Variants in CELF2 observed in about 807,000 individuals in gnomAD.
CELF2 encodes the protein CUG triplet repeat RNA-binding protein 2.
Under a neutral mutation model 62.6 loss-of-function variants are expected in CELF2, and 8 were observed. The observed-to-expected ratio is 0.13, with a 90% CI of 0.07 to 0.23. CELF2 has a LOEUF of 0.23. CELF2 is among the 10% of genes least tolerant of loss of function. The pLI, the probability that CELF2 is intolerant of heterozygous loss-of-function variation, is 1.00. For missense variants in CELF2, 333 were observed against 671.0 expected, an observed-to-expected ratio of 0.50 and a Z score of 5.56; for synonymous variants, 258 against 250.0, an observed-to-expected ratio of 1.03 and a Z score of -0.30.
In CELF2 at chr10:11,156,714, G is replaced by A. The variant is rs1191962973; in HGVS notation, c.75-8772G>A. 6.6e-6 allele frequency among the ~76,000 whole-genome samples: 1 copy of A among 152,156 alleles called. No individual in the cohort carries two copies. Among genetic ancestry groups the A allele is most frequent in the Non-Finnish European group, 1.5e-5 (1 of 68,036 alleles). ...GTCACACTTCCACCATGCACTTGAT[G>A]GGGCTTCCGTGAATCGCTGTTTCTG... On this transcript the variant is annotated intron_variant, in intron 1 of 12. Transcript: ENST00000633077. The surrounding 1 kb of genome is among the most constrained non-coding windows in gnomAD (Gnocchi z 4.3).
intron 1 of CELF2, among the ~76,000 whole-genome samples, chr10:11,019,770 T>G (rs923365581): frequency 6.6e-6 from 1 of 152,220 alleles, no homozygotes; most frequent in African/African-American, 2.4e-5. Flanking sequence ...CCACGATATT[T>G]GTTTTAAGAG....
At chr10:10,638,347 A>G in the CELF2 span, among the ~76,000 whole-genome samples, 1 of 147,194 alleles carries the variant, frequency 6.8e-6, no homozygotes, top group African/African-American at 2.5e-5. Flanking sequence ...ACATGAACCC[A>G]CTCATTCACT....
intron 3 of CELF2, among the ~76,000 whole-genome samples, chr10:11,225,647 A>G (rs989874080): frequency 1.3e-5 from 2 of 152,212 alleles, no homozygotes; most frequent in Admixed American, 6.5e-5. Context: ...CCACCGGGAA[A>G]TGGAGAAAAG....
rs78126892 is a variant in CELF2 at position 11,293,387 on chromosome 10, C to T, written c.976+4835C>T. 4.1e-3 allele frequency among the ~76,000 whole-genome samples: 627 copies of T among 152,328 alleles called. 12 individuals carry two copies. Among genetic ancestry groups the T allele is most frequent in the East Asian group, 0.035 (180 of 5,186 alleles). ...AAAAACTGTTTTCAGTAACCTACTA[C>T]TTATATGAATCAATGCAAATGCCAC... is the stretch of plus-strand genomic sequence containing the variant. On this transcript the variant is annotated intron_variant, in intron 9 of 12. Transcript: ENST00000633077.
the CELF2 span, among the ~76,000 whole-genome samples, chr10:10,462,835 G>A: frequency 6.6e-6 from 1 of 151,904 alleles, no homozygotes; most frequent in Non-Finnish European, 1.5e-5. Context: ...TGGACTATTT[G>A]CCCAGTTGCA....
chr10:10,615,201 G>A, the CELF2 span, among the ~76,000 whole-genome samples: 1 of 152,258 alleles, frequency 6.6e-6, no homozygotes, highest in African/African-American at 2.4e-5. Context: ...AGTAAGACAT[G>A]TATGAAAGTC....
intron 4 of CELF2, among the ~76,000 whole-genome samples, chr10:11,257,135 C>T (rs2079013921): frequency 6.6e-6 from 1 of 152,044 alleles, no homozygotes; most frequent in South Asian, 2.1e-4. Context: ...ACTTTCCTAG[C>T]TCCCCAGAGA....
At chr10:10,690,107 T>C in the CELF2 span, among the ~76,000 whole-genome samples, 4 of 152,216 alleles carry the variant, frequency 2.6e-5, no homozygotes, top group East Asian at 7.7e-4. Flanking sequence ...CTTTGTATCA[T>C]TTTTCTGAAT....
the CELF2 span, among the ~76,000 whole-genome samples, chr10:10,680,248 C>A: frequency 2.6e-5 from 4 of 152,274 alleles, no homozygotes; most frequent in African/African-American, 9.6e-5. Flanking sequence ...AGACCACCCC[C>A]ACTTCTGACA....
At chr10:10,698,894 A>G in the CELF2 span, among the ~76,000 whole-genome samples, 2,401 of 152,308 alleles carry the variant, frequency 0.016, 18 homozygotes, top group Non-Finnish European at 0.025. Flanking sequence ...AATGAATTCT[A>G]TCTTTGAAAC....
At chr10:10,641,798 G>C in the CELF2 span, among the ~76,000 whole-genome samples, 1 of 152,122 alleles carries the variant, frequency 6.6e-6, no homozygotes, top group African/African-American at 2.4e-5. Context: ...GTTTGCTCTT[G>C]TGTTTCTCAT....
At chr10:10,749,650 A>C in the CELF2 span, among the ~76,000 whole-genome samples, 1 of 152,260 alleles carries the variant, frequency 6.6e-6, no homozygotes, top group Non-Finnish European at 1.5e-5. Flanking sequence ...AAATGTATAC[A>C]TGAAAAGAAG....
chr10:11,120,947 T>G (rs761981968), intron 1 of CELF2, among the ~76,000 whole-genome samples: 2 of 152,210 alleles, frequency 1.3e-5, no homozygotes, highest in Non-Finnish European at 2.9e-5. Flanking sequence ...CAACAGCTTT[T>G]AAGCGCGTCC....
At chr10:11,050,044 T>C (rs927053903) in intron 1 of CELF2, among the ~76,000 whole-genome samples, 1 of 152,186 alleles carries the variant, frequency 6.6e-6, no homozygotes, top group Non-Finnish European at 1.5e-5. Context: ...GCAGGCAGTA[T>C]TTATGATAAA....
intron 9 of CELF2, 150 bp downstream of exon 9, chr10:11,288,702 AT>A: frequency 1.1e-6 from 1 of 909,312 alleles, no homozygotes; most frequent in Non-Finnish European, 1.6e-6. Context: ...GGGTTATTTT[AT>A]TTTTAAAAAT....
At chr10:11,226,375 C>T (rs892603405) in intron 3 of CELF2, among the ~76,000 whole-genome samples, 3 of 152,230 alleles carry the variant, frequency 2.0e-5, no homozygotes, top group African/African-American at 4.8e-5. Context: ...GCAGGCTTGC[C>T]GGTCCCGGCA....
the CELF2 span, among the ~76,000 whole-genome samples, chr10:10,556,482 G>A: frequency 1.1e-4 from 16 of 152,108 alleles, no homozygotes; most frequent in South Asian, 2.1e-4. Context: ...GAATAATGCC[G>A]CAATAAACAT....
At chr10:10,602,249 G>A in the CELF2 span, among the ~76,000 whole-genome samples, 1 of 152,122 alleles carries the variant, frequency 6.6e-6, no homozygotes, top group African/African-American at 2.4e-5. Flanking sequence ...ATGAGTGGCA[G>A]CTGTACCCAC....
chr10:10,680,148 T>C, the CELF2 span, among the ~76,000 whole-genome samples: 5,300 of 80,844 alleles, frequency 0.066, 238 homozygotes, highest in East Asian at 0.33. Context: ...TATGTACGTA[T>C]GTATGTATGT....
Sources: allele counts gnomAD v4.1 joint callset (sites outside exome capture counted in the v4.1 genomes callset), GRCh38; gene constraint gnomAD v4.1.1; non-coding constraint Gnocchi (gnomAD v3.1); transcripts MANE v1.5; gene names NCBI Gene and HGNC (gene_info 2026-07-23, HGNC 2026-07-21).